The following CKAP5 variants were observed in gnomAD, a reference collection of about 807,000 sequenced individuals.
CKAP5 encodes the protein cytoskeleton associated protein 5.
Under a neutral mutation model 232.8 loss-of-function variants are expected in CKAP5, and 27 were observed. The observed-to-expected ratio is 0.12, with a 90% CI of 0.09 to 0.16. The LOEUF (loss-of-function observed/expected upper bound fraction) is 0.16, where lower values mean the gene tolerates loss of function less well. CKAP5 is among the 10% of genes least tolerant of loss of function. CKAP5 has a pLI of 1.00. For synonymous variants in CKAP5, 785 were observed against 841.1 expected, an observed-to-expected ratio of 0.93 and a Z score of 1.16; for missense variants, 1,838 against 2,424.7, an observed-to-expected ratio of 0.76 and a Z score of 5.08.
chr11:46,755,030 G>C lies in CKAP5; in HGVS notation c.4727C>G (p.Ala1576Gly), dbSNP rs1343309084. ...EVLRQEDKAE[A>G]MSGHIDQFLI... is the part of the protein sequence containing the mutation. ...AAACTGATCAATATGGCCGGACATG[G>C]CTTCAGCTTTGTCTTCCTGTCTCAG... Residue 1576 changes from alanine to glycine, a missense_variant, in exon 36 of 44, where the codon GCC becomes GGC. Physicochemically the swap from Ala to Gly is moderately conservative, Grantham distance 60. Coordinates refer to ENST00000529230, the MANE Select transcript of CKAP5 (RefSeq NM_001008938.4). The C allele has an allele frequency of 6.2e-7, 1 of 1,613,168 alleles. No homozygotes were observed. Among genetic ancestry groups the C allele is most frequent in the East Asian group, 2.2e-5 (1 of 44,832 alleles).
Position 46,809,488 on chromosome 11 carries a change from CCAT to C in CKAP5, c.773_775del (p.Asp258del), listed in dbSNP as rs746837115. 1.2e-6 allele frequency: 2 copies of C among 1,610,284 alleles called. No homozygotes were observed. The highest frequency in any genetic ancestry group is 1.3e-5 in the African/African-American group (1 of 74,806). On this transcript the variant is annotated inframe_deletion, in exon 7 of 44. Transcript: ENST00000529230. ...AGCATCTATTTGTGGCACCTCATCA[CCAT>C]CATCACCACCTTTAAGGAGAAAAAC...
intron 12 of CKAP5, 84 bp from the exon 13 acceptor site, chr11:46,795,860 A>C: frequency 1.7e-6 from 2 of 1,186,494 alleles, no homozygotes; most frequent in Non-Finnish European, 2.4e-6. Context: ...AACCACAACT[A>C]CACATAAGAA....
chr11:46,827,627 A>T (rs1939685773), intron 1 of CKAP5, among the ~76,000 whole-genome samples: 1 of 152,202 alleles, frequency 6.6e-6, no homozygotes, highest in African/African-American at 2.4e-5. Context: ...CCTCTATAAA[A>T]GAAAAAAAGA....
chr11:46,787,006 A>T (rs1164268888), intron 16 of CKAP5, among the ~76,000 whole-genome samples: 1 of 152,144 alleles, frequency 6.6e-6, no homozygotes, highest in Non-Finnish European at 1.5e-5. Flanking sequence ...TTTGAGAAAA[A>T]AATTAGCAAG....
At chr11:46,750,152 G>C (rs2065052332) in intron 42 of CKAP5, 122 bp downstream of exon 42, 1 of 899,720 alleles carries the variant, frequency 1.1e-6, no homozygotes, top group Non-Finnish European at 1.7e-6. Flanking sequence ...CAATGGGAAG[G>C]CCATTTGGTG....
chr11:46,750,466 G>A, intron 41 of CKAP5, 33 bp from the exon 42 acceptor site: 1 of 1,612,740 alleles, frequency 6.2e-7, no homozygotes, highest in Non-Finnish European at 8.5e-7. Flanking sequence ...AGGTGGGGAT[G>A]AATGTTAGTG....
intron 1 of CKAP5, among the ~76,000 whole-genome samples, chr11:46,838,541 G>A (rs949324392): frequency 1.3e-5 from 2 of 149,404 alleles, no homozygotes; most frequent in African/African-American, 4.9e-5. Context: ...AGCACTTTGG[G>A]AGGCCGAGGC....
intron 16 of CKAP5, among the ~76,000 whole-genome samples, chr11:46,786,911 C>T (rs1187536929): frequency 6.6e-6 from 1 of 152,138 alleles, no homozygotes; most frequent in Non-Finnish European, 1.5e-5. Context: ...CAGTCATTAG[C>T]TGGTCATTAA....
chr11:46,829,849 TG>T (rs1939739480), intron 1 of CKAP5, among the ~76,000 whole-genome samples: 18 of 35,520 alleles, frequency 5.1e-4, no homozygotes, highest in African/African-American at 9.5e-4. Flanking sequence ...TGTGTGTGTG[TG>T]TGTGTGTGTG....
At chr11:46,818,157 G>C (rs756279976) in intron 3 of CKAP5, among the ~76,000 whole-genome samples, 153 bp downstream of exon 3, 1 of 152,062 alleles carries the variant, frequency 6.6e-6, no homozygotes, top group Non-Finnish European at 1.5e-5. Flanking sequence ...TGAGAATAAA[G>C]ACTGAATGAA....
intron 1 of CKAP5, among the ~76,000 whole-genome samples, chr11:46,826,128 A>G (rs971803344): frequency 3.3e-5 from 5 of 152,226 alleles, no homozygotes; most frequent in African/African-American, 1.2e-4. Context: ...ATCTTGGGAC[A>G]GTGGCGTCCC....
chr11:46,763,045 C>A lies in CKAP5; in HGVS notation c.3822G>T (p.Leu1274Phe). The A allele has an allele frequency of 6.2e-7, 1 of 1,613,706 alleles. No homozygotes were observed. Among genetic ancestry groups the A allele is most frequent in the East Asian group, 2.2e-5 (1 of 44,868 alleles). ...ALEYLKLLFT[L>F]LSEEEYHLTE... ...TAAGATGATATTCTTCTTCACTTAG[C>A]AAGGTGAAGAGCAATTTTAAATATT... Residue 1274 changes from leucine to phenylalanine, a missense_variant, in exon 30 of 44, where the codon TTG (leucine) becomes TTT (phenylalanine). Physicochemically the swap from Leu to Phe is conservative, Grantham distance 22 (BLOSUM62 0). Around this residue, in one of 6 missense-constraint regions of CKAP5, gnomAD observed 48 missense variants for 98.1 expected, o/e 0.49. Transcript: ENST00000529230.
intron 1 of CKAP5, among the ~76,000 whole-genome samples, chr11:46,823,519 C>A (rs962434939): frequency 6.6e-6 from 1 of 152,170 alleles, no homozygotes; most frequent in Admixed American, 6.5e-5. Context: ...TTAAAGTCTA[C>A]ATAGCACTCC....
At position 46,810,500 on chromosome 11, in the gene CKAP5, T is replaced by G. The variant is rs552399115; in HGVS notation, c.630+507A>C. Among the ~76,000 whole-genome samples, 4 of 152,086 alleles carry G rather than the reference T, an allele frequency of 2.6e-5. No individual in the cohort carries two copies. The East Asian group carries it at 5.8e-4, about 22-fold the overall frequency. On this transcript the variant is annotated intron_variant, in intron 5 of 43. Transcript: ENST00000529230. ...ATTTTTTTTTTATTATTTGTAGAGATAGGGTTTGCCATGTTGCCCAGACTG... is the reference window on the plus strand; with the variant it reads ...ATTTTTTTTTTATTATTTGTAGAGAGAGGGTTTGCCATGTTGCCCAGACTG...
intron 1 of CKAP5, among the ~76,000 whole-genome samples, chr11:46,824,435 C>G (rs954943507): frequency 2.0e-5 from 3 of 152,090 alleles, no homozygotes; most frequent in African/African-American, 7.2e-5. Context: ...GGTGTATAGC[C>G]TAGAAACTGA....
intron 13 of CKAP5, among the ~76,000 whole-genome samples, chr11:46,795,267 G>A (rs1938841836): frequency 6.6e-6 from 1 of 151,810 alleles, no homozygotes; most frequent in Admixed American, 6.6e-5. Context: ...GGCGGAGGTT[G>A]CAGTGAGCCA....
chr11:46,763,633 G>A lies in CKAP5; in HGVS notation c.3538-3C>T. The A allele has an allele frequency of 6.6e-7, 1 of 1,525,984 alleles. No individual in the cohort carries two copies. Among genetic ancestry groups the A allele is most frequent in the Non-Finnish European group, 8.8e-7 (1 of 1,136,204 alleles). 94.5% of individuals were successfully genotyped at this position (1,525,984 alleles called of 1,614,324 possible). The stretch of plus-strand genomic sequence containing the variant: ...GTAGTAAAATTCCACTTTAGCACCT[G>A]GAAAAAACAAACGGTGAAAAGGGGC... On this transcript the variant is annotated splice_polypyrimidine_tract_variant and splice_region_variant and intron_variant, in intron 28 of 43. Transcript: ENST00000529230.
At chr11:46,784,769 G>T in intron 16 of CKAP5, 96 bp from the exon 17 acceptor site, 1 of 815,522 alleles carries the variant, frequency 1.2e-6, no homozygotes, top group Non-Finnish European at 1.9e-6. Flanking sequence ...ACATGGTTAG[G>T]GACAGCTGGA....
At chr11:46,802,888 A>C (rs1202191897) in intron 8 of CKAP5, among the ~76,000 whole-genome samples, 3 of 152,142 alleles carry the variant, frequency 2.0e-5, no homozygotes, top group African/African-American at 4.8e-5. Flanking sequence ...TAGGCACCAA[A>C]ATTTTGTAGG....
Sources: allele counts gnomAD v4.1 joint callset (sites outside exome capture counted in the v4.1 genomes callset), GRCh38; gene constraint gnomAD v4.1.1; regional missense constraint gnomAD v4.1.1; transcripts MANE v1.5; gene names NCBI Gene and HGNC (gene_info 2026-07-23, HGNC 2026-07-21).